The following FARP1 variants were observed in gnomAD, a reference collection of about 807,000 sequenced individuals.
FARP1 encodes FERM, ARH/RhoGEF and pleckstrin domain protein 1.
Under a neutral mutation model 128.8 loss-of-function variants are expected in FARP1, and 52 were observed. The observed-to-expected ratio is 0.40, with a 90% CI of 0.32 to 0.51. The LOEUF (loss-of-function observed/expected upper bound fraction) is 0.51. Among genes scored for constraint, FARP1 ranks in the 20% least tolerant of loss-of-function variants. The pLI is 0.45. For missense variants in FARP1, 1,333 were observed against 1,367.9 expected, an observed-to-expected ratio of 0.97 and a Z score of 0.40; for synonymous variants, 580 against 551.8, an observed-to-expected ratio of 1.05 and a Z score of -0.72.
At chr13:98,220,297 T>G (rs545365239) in intron 2 of FARP1, among the ~76,000 whole-genome samples, 1 of 152,080 alleles carries the variant, frequency 6.6e-6, no homozygotes, top group South Asian at 2.1e-4. Flanking sequence ...GTGGAGGTGG[T>G]GGAGGAGGAG....
intron 2 of FARP1, among the ~76,000 whole-genome samples, chr13:98,287,490 A>G (rs1885240169): frequency 1.3e-5 from 2 of 151,662 alleles, no homozygotes; most frequent in Admixed American, 1.3e-4. Flanking sequence ...CAGCCTCCCA[A>G]AGTGCGGGAT....
chr13:98,276,381 C>T (rs1884654568), intron 2 of FARP1, among the ~76,000 whole-genome samples: 2 of 152,080 alleles, frequency 1.3e-5, no homozygotes, highest in African/African-American at 4.8e-5. Context: ...GTCTACTCTG[C>T]CCTGTTTATG....
intron 1 of FARP1, among the ~76,000 whole-genome samples, chr13:98,145,057 A>G (rs756990925): frequency 2.0e-5 from 3 of 152,224 alleles, no homozygotes; most frequent in Non-Finnish European, 4.4e-5. Context: ...ATGTCTGGCT[A>G]ATAGATCTGC....
intron 2 of FARP1, among the ~76,000 whole-genome samples, chr13:98,237,039 T>A (rs778531913): frequency 5.9e-4 from 89 of 151,574 alleles, no homozygotes; most frequent in Middle Eastern, 3.4e-3. Context: ...CGCGTGTGGC[T>A]CATGTCTGTA....
intron 2 of FARP1, among the ~76,000 whole-genome samples, chr13:98,312,595 C>T (rs190639082): frequency 3.6e-4 from 55 of 152,100 alleles, no homozygotes; most frequent in Non-Finnish European, 6.2e-4. Flanking sequence ...TCCCCCCCCA[C>T]CGGAAAAGAG....
chr13:98,395,145 G>C, intron 12 of FARP1, 82 bp from the exon 13 acceptor site: 2 of 1,486,506 alleles, frequency 1.3e-6, no homozygotes, highest in South Asian at 1.4e-5. Flanking sequence ...TTCTTGCCTG[G>C]CTCTCCTTTT....
At chr13:98,143,549 C>G (rs1424937960) in intron 1 of FARP1, 57 bp downstream of exon 1, 1 of 149,730 alleles carries the variant, frequency 6.7e-6, no homozygotes, top group Non-Finnish European at 1.5e-5. Context: ...CGGCGGGGTC[C>G]GGGCCGCGGG....
chr13:98,384,412 C>T (rs56102222), intron 6 of FARP1: 43,186 of 281,090 alleles, frequency 0.15, 3,692 homozygotes, highest in East Asian at 0.23. Context: ...AGGCTGATCT[C>T]GAACTCCTGA....
chr13:98,249,624 A>C (rs1478714057), intron 2 of FARP1, among the ~76,000 whole-genome samples: 7 of 151,980 alleles, frequency 4.6e-5, no homozygotes, highest in Non-Finnish European at 5.9e-5. Context: ...ATGACACAGA[A>C]ATTGTTTGGC....
chr13:98,358,647 T>C (rs949253228), intron 3 of FARP1, among the ~76,000 whole-genome samples: 2 of 152,170 alleles, frequency 1.3e-5, no homozygotes, highest in African/African-American at 4.8e-5. Context: ...TTCTTTCTTT[T>C]TCTTTTTTTC....
At chr13:98,264,082 A>T (rs1478466433) in intron 2 of FARP1, among the ~76,000 whole-genome samples, 1 of 152,130 alleles carries the variant, frequency 6.6e-6, no homozygotes, top group Non-Finnish European at 1.5e-5. Flanking sequence ...GCATAGCCAG[A>T]CTCCCACAGA....
In FARP1 at chr13:98,441,087, A is replaced by G. The variant is rs1347121365; in HGVS notation, c.2796+251A>G. Among the ~76,000 whole-genome samples the G allele has an allele frequency of 3.9e-5, 6 of 152,280 alleles. No homozygotes were observed. In the East Asian group the frequency reaches 9.6e-4, roughly 24 times the overall value. On this transcript the variant is annotated intron_variant, in intron 24 of 26. Coordinates refer to ENST00000319562, the MANE Select transcript of FARP1 (RefSeq NM_005766.4). ...ATATCCCTTGGTGCTCATCAGTCCT[A>G]TTGCCATCCACAAGGTCGTTTTCTC...
chr13:98,196,677 T>C (rs563919633), intron 1 of FARP1, among the ~76,000 whole-genome samples: 1 of 152,344 alleles, frequency 6.6e-6, no homozygotes, highest in Admixed American at 6.5e-5. Flanking sequence ...TTTGTCATGC[T>C]GCAGAATGAC....
At chr13:98,415,149 G>A (rs1462352973) in intron 16 of FARP1, among the ~76,000 whole-genome samples, 3 of 152,182 alleles carry the variant, frequency 2.0e-5, no homozygotes, top group Admixed American at 6.5e-5. Context: ...CAAACCTGGC[G>A]GTGCCTCAGG....
Position 98,347,617 on chromosome 13 carries a change from C to T in FARP1, c.276+3751C>T, listed in dbSNP as rs2086428. ...CCATTTCCATTGTGTATATTCACCACGTCTCCAGTATCCATTCCTCCATGG... is the reference window on the plus strand; with the variant it reads ...CCATTTCCATTGTGTATATTCACCATGTCTCCAGTATCCATTCCTCCATGG... On this transcript the variant is annotated intron_variant, in intron 3 of 26. Transcript: ENST00000319562. Among the ~76,000 whole-genome samples the T allele has an allele frequency of 8.9e-3, 1,354 of 152,286 alleles. 25 individuals carry two copies. Among genetic ancestry groups the T allele is most frequent in the Admixed American group, 0.033 (512 of 15,300 alleles).
intron 2 of FARP1, among the ~76,000 whole-genome samples, chr13:98,317,293 G>T (rs679364): frequency 2.0e-5 from 3 of 152,076 alleles, no homozygotes; most frequent in African/African-American, 7.2e-5. Context: ...GGGGTCTTGC[G>T]CTGTCACCCA....
intron 3 of FARP1, among the ~76,000 whole-genome samples, chr13:98,353,448 G>A (rs142984478): frequency 3.9e-4 from 59 of 152,182 alleles, no homozygotes; most frequent in African/African-American, 1.2e-3. Context: ...GTGCAATCTC[G>A]GCTCACTGCA....
At chr13:98,430,138 C>T (rs1406631999) in intron 17 of FARP1, among the ~76,000 whole-genome samples, 3 of 151,930 alleles carry the variant, frequency 2.0e-5, no homozygotes, top group Admixed American at 6.6e-5. Context: ...CCTGCAGTCC[C>T]AGCTGCTCGA....
At chr13:98,157,848 G>T (rs1462630889) in intron 1 of FARP1, among the ~76,000 whole-genome samples, 3 of 152,188 alleles carry the variant, frequency 2.0e-5, no homozygotes, top group Non-Finnish European at 4.4e-5. Context: ...TATTTAAGAT[G>T]AACTCTCTTA....
Sources: allele counts gnomAD v4.1 joint callset (sites outside exome capture counted in the v4.1 genomes callset), GRCh38; gene constraint gnomAD v4.1.1; transcripts MANE v1.5; gene names NCBI Gene and HGNC (gene_info 2026-07-23, HGNC 2026-07-21).